USH1C: variants seen among roughly 807,000 people sequenced by gnomAD.
The protein encoded by USH1C is USH1 protein network component harmonin, also known as harmonin.
USH1C carries 90 observed loss-of-function variants against 119.3 expected under a neutral mutation model. The ratio of observed to expected loss-of-function variants is 0.75; its 90% CI spans 0.64 to 0.90. The LOEUF (loss-of-function observed/expected upper bound fraction) is 0.90, where lower values mean the gene tolerates loss of function less well. Among genes scored for constraint, USH1C ranks in the 40% least tolerant of loss-of-function variants. The pLI, the probability that USH1C is intolerant of heterozygous loss-of-function variation, is 0.00. For missense variants in USH1C, 1,165 were observed against 1,167.7 expected (o/e 1.00, Z 0.03); for synonymous variants, 465 against 443.3 (o/e 1.05, Z -0.62).
intron 14 of USH1C, among the ~76,000 whole-genome samples, chr11:17,520,248 G>A (rs772160979): frequency 1.1e-4 from 16 of 152,176 alleles, no homozygotes; most frequent in Non-Finnish European, 1.9e-4. Context: ...GAGGATGTGG[G>A]ACGGATGAAG....
intron 1 of USH1C, 60 bp downstream of exon 1, chr11:17,544,212 C>T (rs1307845707): frequency 6.2e-7 from 1 of 1,610,354 alleles, no homozygotes; most frequent in Non-Finnish European, 8.5e-7. Flanking sequence ...TGTCCACCCC[C>T]TACCCACCGC....
Position 17,520,971 on chromosome 11 carries a change from A to G in USH1C, c.1109T>C (p.Phe370Ser). The G allele has an allele frequency of 6.2e-7, 1 of 1,613,940 alleles. No homozygotes were observed. The highest frequency in any genetic ancestry group is 8.5e-7 in the Non-Finnish European group (1 of 1,179,984). Residue 370 changes from phenylalanine to serine, a missense_variant, in exon 14 of 27, where the codon TTT becomes TCT. Physicochemically the swap from Phe to Ser is radical, Grantham distance 155. Transcript: ENST00000005226. Reference sequence around the variant, plus strand: ...CCAGTCTTCTTCCCATTGCTTCTTAAACTTCTCTTCCTCCTCTACAATCCT... The same window carrying G: ...CCAGTCTTCTTCCCATTGCTTCTTAGACTTCTCTTCCTCCTCTACAATCCT... ...MEQIVEEEEK[F>S]KKQWEEDWGS...
rs968032361 is a variant in USH1C, at chr11:17,520,792, G to C, written c.1210+78C>G. ...AGAGCACCAAGGGCTATCCATCTAG[G>C]AGGTGGTGGTGAGGGGAGGGAGGGC... On this transcript the variant is annotated intron_variant, in intron 14 of 26. Coordinates refer to ENST00000005226, the MANE Select transcript of USH1C (RefSeq NM_153676.4). 1.0e-5 allele frequency: 16 copies of C among 1,543,000 alleles called. No homozygotes were observed. The African/African-American group carries it at 2.2e-4, about 21-fold the overall frequency.
intron 18 of USH1C, 65 bp downstream of exon 18, chr11:17,509,291 T>C (rs117349833): frequency 8.4e-4 from 1,257 of 1,504,854 alleles, no homozygotes; most frequent in Non-Finnish European, 9.3e-4. Flanking sequence ...GTGGAGGACA[T>C]GGGAAACAGC....
chr11:17,525,375 C>T (rs2133889023), intron 8 of USH1C, among the ~76,000 whole-genome samples: 1 of 152,336 alleles, frequency 6.6e-6, no homozygotes, highest in African/African-American at 2.4e-5. Context: ...TGGCACAAAA[C>T]ATTGAATAAA....
intron 1 of USH1C, among the ~76,000 whole-genome samples, chr11:17,539,304 G>A (rs1012777738): frequency 6.6e-6 from 1 of 152,116 alleles, no homozygotes; most frequent in Non-Finnish European, 1.5e-5. Flanking sequence ...AAGCCTGTGT[G>A]TGGCCCAGAC....
At chr11:17,505,657 T>A (rs1849620466) in intron 19 of USH1C, among the ~76,000 whole-genome samples, 173 bp downstream of exon 19, 1 of 152,230 alleles carries the variant, frequency 6.6e-6, no homozygotes. Flanking sequence ...CATGTCAACA[T>A]CCACTTACAC....
chr11:17,526,304 G>T (rs749675302), intron 8 of USH1C, 43 bp downstream of exon 8: 2 of 1,537,798 alleles, frequency 1.3e-6, no homozygotes, highest in Non-Finnish European at 1.8e-6. Context: ...GCCTGCTGGG[G>T]TGCACTGGCC....
intron 23 of USH1C, 51 bp downstream of exon 23, chr11:17,501,000 G>A (rs745922463): frequency 1.2e-5 from 19 of 1,529,314 alleles, no homozygotes; most frequent in African/African-American, 4.1e-5. Context: ...GGAGGGCCCC[G>A]TCTAACCACT....
chr11:17,543,150 G>A (rs926180197), intron 1 of USH1C, among the ~76,000 whole-genome samples: 2 of 152,190 alleles, frequency 1.3e-5, no homozygotes, highest in African/African-American at 2.4e-5. Flanking sequence ...AACTGACCCC[G>A]GGCCCTTGGC....
intron 23 of USH1C, among the ~76,000 whole-genome samples, chr11:17,500,612 T>A (rs1041140152): frequency 6.6e-6 from 1 of 152,102 alleles, no homozygotes; most frequent in Non-Finnish European, 1.5e-5. Context: ...AAGCCCTTTC[T>A]CCCCTTCGCG....
chr11:17,511,837 G>C, intron 16 of USH1C, 65 bp downstream of exon 16: 1 of 1,555,018 alleles, frequency 6.4e-7, no homozygotes, highest in Non-Finnish European at 8.7e-7. Context: ...TCCTCTGGGA[G>C]CACATGGAGA....
At chr11:17,535,191 C>T (rs1431873004) in intron 1 of USH1C, among the ~76,000 whole-genome samples, 2 of 152,178 alleles carry the variant, frequency 1.3e-5, no homozygotes, top group African/African-American at 4.8e-5. Context: ...GTACCCCAAA[C>T]CAAACCTAAA....
At chr11:17,507,405 C>A (rs892835898) in intron 18 of USH1C, among the ~76,000 whole-genome samples, 5 of 152,190 alleles carry the variant, frequency 3.3e-5, no homozygotes, top group Non-Finnish European at 7.3e-5. Flanking sequence ...CTTGGTGATG[C>A]CTTGAAGAAT....
At chr11:17,530,698 A>C (rs1234243592) in intron 4 of USH1C, among the ~76,000 whole-genome samples, 2 of 152,224 alleles carry the variant, frequency 1.3e-5, no homozygotes, top group African/African-American at 4.8e-5. Flanking sequence ...AAGTCATTCC[A>C]CCAAGTCACA....
At chr11:17,524,292 G>A (rs1291899203) in intron 9 of USH1C, among the ~76,000 whole-genome samples, 159 bp downstream of exon 9, 1 of 152,174 alleles carries the variant, frequency 6.6e-6, no homozygotes, top group African/African-American at 2.4e-5. Context: ...AACATCCCCA[G>A]TCTGTGAAGC....
intron 18 of USH1C, among the ~76,000 whole-genome samples, chr11:17,507,914 T>C (rs1490687835): frequency 2.3e-4 from 35 of 152,208 alleles, no homozygotes; most frequent in Admixed American, 2.0e-3. Flanking sequence ...ATCCCTCCCA[T>C]AGCGCATGGC....
At chr11:17,512,558 T>C (rs1245105029) in intron 15 of USH1C, among the ~76,000 whole-genome samples, 1 of 152,230 alleles carries the variant, frequency 6.6e-6, no homozygotes, top group African/African-American at 2.4e-5. Flanking sequence ...CAGAGATGCA[T>C]CCTGGGAGAT....
chr11:17,540,596 G>A (rs549777694), intron 1 of USH1C, among the ~76,000 whole-genome samples: 3 of 152,250 alleles, frequency 2.0e-5, no homozygotes, highest in East Asian at 1.9e-4. Flanking sequence ...GAAGTGGAAC[G>A]CTAGGTTTCC....
Sources: allele counts gnomAD v4.1 joint callset (sites outside exome capture counted in the v4.1 genomes callset), GRCh38; gene constraint gnomAD v4.1.1; transcripts MANE v1.5; gene names NCBI Gene and HGNC (gene_info 2026-07-23, HGNC 2026-07-21).